Variants in UBR3 observed in about 807,000 individuals in gnomAD.
UBR3 encodes the protein ubiquitin protein ligase E3 component n-recognin 3, also known as E3 ubiquitin-protein ligase UBR3.
In UBR3, 85 loss-of-function variants were observed where a neutral mutation model predicts 243.2. The observed-to-expected ratio is 0.35, with a 90% CI of 0.29 to 0.42. UBR3 has a LOEUF of 0.42. Ranked by LOEUF, UBR3 falls within the 10% of genes least tolerant of loss-of-function variation. The pLI is 1.00. For synonymous variants in UBR3, 748 were observed against 799.8 expected (o/e 0.94, Z 1.09); for missense variants, 1,686 against 2,300.8 (o/e 0.73, Z 5.47).
chr2:169,846,750 G>C (rs1478888470), intron 1 of UBR3, among the ~76,000 whole-genome samples: 1 of 150,440 alleles, frequency 6.6e-6, no homozygotes, highest in Non-Finnish European at 1.5e-5. Flanking sequence ...GTATTTTTTT[G>C]GAGACAGCAT....
chr2:169,847,079 CTG>C (rs769261518), intron 1 of UBR3, among the ~76,000 whole-genome samples: 71 of 123,812 alleles, frequency 5.7e-4, no homozygotes, highest in Middle Eastern at 3.9e-3. Context: ...TTTTCTTAAA[CTG>C]TGTGTGTGTG....
At chr2:170,018,623 T>G (rs1371203847) in intron 30 of UBR3, among the ~76,000 whole-genome samples, 1 of 152,186 alleles carries the variant, frequency 6.6e-6, no homozygotes, top group Non-Finnish European at 1.5e-5. Context: ...TCTAGGGAAT[T>G]TAGAGGTTTG....
At chr2:169,964,765 G>A (rs1268591349) in intron 24 of UBR3, 1 of 418,102 alleles carries the variant, frequency 2.4e-6, no homozygotes, top group Non-Finnish European at 4.8e-6. Context: ...AGATTTGAAT[G>A]TCATAAGTGC....
At chr2:169,978,176 A>T (rs1427258767) in intron 24 of UBR3, among the ~76,000 whole-genome samples, 1 of 152,048 alleles carries the variant, frequency 6.6e-6, no homozygotes, top group Non-Finnish European at 1.5e-5. Flanking sequence ...GGCTCCGCCT[A>T]TTCTCATTTT....
intron 29 of UBR3, 73 bp downstream of exon 29, chr2:170,009,013 G>T: frequency 9.6e-7 from 1 of 1,041,802 alleles, no homozygotes; most frequent in Non-Finnish European, 1.3e-6. Context: ...ATAAATATTT[G>T]TTTTATTTAT....
At chr2:170,039,304 T>C (rs2090907362) in intron 31 of UBR3, among the ~76,000 whole-genome samples, 1 of 152,102 alleles carries the variant, frequency 6.6e-6, no homozygotes, top group Non-Finnish European at 1.5e-5. Context: ...TCCACTAAAT[T>C]TTGTAATTAG....
intron 19 of UBR3, among the ~76,000 whole-genome samples, chr2:169,936,856 C>CT (rs1212598026): frequency 6.6e-6 from 1 of 152,110 alleles, no homozygotes; most frequent in Admixed American, 6.6e-5. Flanking sequence ...TGAACTCATC[C>CT]TTTTTTATGG....
chr2:169,965,079 T>G, intron 24 of UBR3: 1 of 391,318 alleles, frequency 2.6e-6, no homozygotes, highest in South Asian at 2.0e-5. Flanking sequence ...ACAGTCTCTT[T>G]CCAGAGATAT....
chr2:170,013,247 AG>A (rs1382453265), intron 29 of UBR3, among the ~76,000 whole-genome samples: 3 of 152,144 alleles, frequency 2.0e-5, no homozygotes, highest in African/African-American at 7.2e-5. Flanking sequence ...CATGTCTCAA[AG>A]GACCAATTTT....
chr2:170,033,882 ACT>A (rs1433915730), intron 31 of UBR3, among the ~76,000 whole-genome samples: 2 of 151,524 alleles, frequency 1.3e-5, no homozygotes, highest in Admixed American at 1.3e-4. Flanking sequence ...ATTCCTATTA[ACT>A]CTTCCACCCA....
intron 37 of UBR3, chr2:170,080,339 C>T (rs1310113018): frequency 3.1e-6 from 2 of 639,098 alleles, no homozygotes. Context: ...TAGGTTGGCT[C>T]TTAATTGCTT....
At chr2:169,927,792 T>G (rs558405130) in intron 17 of UBR3, among the ~76,000 whole-genome samples, 1 of 152,322 alleles carries the variant, frequency 6.6e-6, no homozygotes, top group Admixed American at 6.5e-5. Context: ...ACCTTACGAT[T>G]ATTATTACCA....
intron 26 of UBR3, among the ~76,000 whole-genome samples, chr2:169,997,622 AT>A (rs1399687950): frequency 2.0e-5 from 3 of 152,074 alleles, no homozygotes; most frequent in Non-Finnish European, 2.9e-5. Flanking sequence ...TGCTCCTGCC[AT>A]TTGGTGGGTA....
At chr2:169,968,246 ATAATTAATTATTG>A (rs957108926) in intron 24 of UBR3, among the ~76,000 whole-genome samples, 1 of 152,174 alleles carries the variant, frequency 6.6e-6, no homozygotes, top group Non-Finnish European at 1.5e-5. Flanking sequence ...TTTTAAATAC[ATAATTAATTATTG>A]TTAACTATCG....
intron 11 of UBR3, among the ~76,000 whole-genome samples, chr2:169,921,946 G>A (rs2085716064): frequency 6.6e-6 from 1 of 151,934 alleles, no homozygotes; most frequent in African/African-American, 2.4e-5. Flanking sequence ...AGCTGAGATC[G>A]CGCCACCGTA....
At chr2:170,050,386 T>G (rs1574452109) in intron 32 of UBR3, among the ~76,000 whole-genome samples, 1 of 152,294 alleles carries the variant, frequency 6.6e-6, no homozygotes, top group Non-Finnish European at 1.5e-5. Context: ...TACAAAAAAT[T>G]ATCATGGTGA....
intron 10 of UBR3, among the ~76,000 whole-genome samples, chr2:169,907,538 T>C (rs1227873044): frequency 6.6e-6 from 1 of 152,120 alleles, no homozygotes; most frequent in Non-Finnish European, 1.5e-5. Context: ...AAAATATGGA[T>C]TATTAAGGTA....
chr2:170,079,785 C>A, intron 36 of UBR3, 29 bp from the exon 37 acceptor site: 1 of 1,570,572 alleles, frequency 6.4e-7, no homozygotes, highest in Non-Finnish European at 8.7e-7. Flanking sequence ...ATACATAAAA[C>A]TAATGAATAT....
rs1217787922 is a variant in UBR3 at position 169,913,335 on chromosome 2, G to GT, written c.1780-716dup. Among the ~76,000 whole-genome samples the GT allele has an allele frequency of 1.6e-3, 225 of 140,722 alleles. 1 individual carries two copies. The highest frequency in any genetic ancestry group is 0.011 in the Middle Eastern group (3 of 274). The allele number at this position is 140,722 out of a possible 152,430, so 92.3% of individuals were successfully genotyped here. On this transcript the variant is annotated intron_variant, in intron 10 of 38. Transcript: ENST00000272793. ...AAATGTCTTTTTAAATCCTTTGCCTGTTTTTTTTTGTTTGTTTGTTTTTTG... is the reference window on the plus strand; with the variant it reads ...AAATGTCTTTTTAAATCCTTTGCCTGTTTTTTTTTTGTTTGTTTGTTTTTTG...
Sources: gnomAD v4.1 joint callset for allele counts (sites outside exome capture counted in the v4.1 genomes callset) on GRCh38, gnomAD v4.1.1 for gene constraint, MANE v1.5 for transcripts, NCBI Gene and HGNC (gene_info 2026-07-23, HGNC 2026-07-21) for gene names.